FOSL2: variants seen among roughly 807,000 people sequenced by gnomAD.
FOSL2 encodes the protein fos-related antigen 2.
FOSL2 carries 3 observed loss-of-function variants against 27.7 expected under a neutral mutation model. The observed-to-expected ratio is 0.11, with a 90% CI of 0.05 to 0.28. FOSL2 has a LOEUF of 0.28. FOSL2 is among the 10% of genes least tolerant of loss of function. The pLI, the probability that FOSL2 is intolerant of heterozygous loss-of-function variation, is 1.00. For missense variants in FOSL2, 333 were observed against 445.1 expected (o/e 0.75, Z 2.27); for synonymous variants, 179 against 190.1 (o/e 0.94, Z 0.48).
Position 28,402,038 on chromosome 2 carries a change from G to A in FOSL2, c.103-2069G>A, listed in dbSNP as rs572153604. ...TTGAATCTCAGAATGCATTGTACTG[G>A]GTAACTTTCCTCCAGAATCCCAGAA... is the stretch of plus-strand genomic sequence containing the variant. On this transcript the variant is annotated intron_variant, in intron 1 of 3. Transcript: ENST00000264716. 2.6e-5 allele frequency among the ~76,000 whole-genome samples: 4 copies of A among 152,142 alleles called. 1 individual carries two copies. The highest frequency in any genetic ancestry group is 9.6e-5 in the African/African-American group (4 of 41,500).
intron 1 of FOSL2, chr2:28,397,237 A>G (rs996675044): frequency 5.9e-5 from 9 of 152,222 alleles, no homozygotes; most frequent in African/African-American, 2.2e-4. Flanking sequence ...TAAAAAAAGG[A>G]GTGCTTTTTT....
At chr2:28,399,836 C>T (rs76510751) in intron 1 of FOSL2, among the ~76,000 whole-genome samples, 1 of 152,080 alleles carries the variant, frequency 6.6e-6, no homozygotes, top group East Asian at 1.9e-4. Context: ...TGGCACAGTC[C>T]TGCCTATTTG....
Position 28,417,289 on chromosome 2 carries a change from A to G in FOSL2, c.*4841A>G, listed in dbSNP as rs1052152706. ...CACTTTCAGTTGAGTAGCATTTTGT[A>G]GAATAAAATGAATTAAGATTGAAGA... On this transcript the variant is annotated 3_prime_UTR_variant, in exon 4 of 4. Transcript: ENST00000264716. The G allele has an allele frequency of 6.6e-6, 1 of 152,076 alleles. No homozygotes were observed. Among genetic ancestry groups the G allele is most frequent in the African/African-American group, 2.4e-5 (1 of 41,388 alleles). 9.4% of individuals were successfully genotyped at this position (152,076 alleles called of 1,614,324 possible).
rs1664151342 is a variant in FOSL2 at position 28,409,636 on chromosome 2, C to T, written c.462+770C>T. Among the ~76,000 whole-genome samples the T allele has an allele frequency of 2.6e-5, 4 of 152,336 alleles. No individual in the cohort carries two copies. In the South Asian group the frequency reaches 8.3e-4, roughly 32 times the overall value. On this transcript the variant is annotated intron_variant, in intron 3 of 3. Transcript: ENST00000264716. ...GCCCCGAGCCAGGGTTGACTCTCCC[C>T]AGTGGAATGCTTTCAGAGTGAGGAG...
intron 1 of FOSL2, among the ~76,000 whole-genome samples, chr2:28,399,517 G>A (rs564357131): frequency 3.9e-5 from 6 of 152,232 alleles, no homozygotes; most frequent in Admixed American, 6.5e-5. Context: ...AGGAGCACAC[G>A]CATCCTTCCC....
chr2:28,404,262 G>T lies in FOSL2; in HGVS notation c.258G>T (p.Pro86=), dbSNP rs76837928. ...YPRSHPYSPL[P]GLASVPGHMA... is the part of the protein sequence containing the mutation. The stretch of plus-strand genomic sequence containing the variant: ...GCTCGCACCCCTACAGCCCCCTGCC[G>T]GGCCTGGCCTCTGTCCCTGGACACA... The change falls in exon 2 of 4, where the codon CCG becomes CCT. Residue 86 remains proline (P), a synonymous_variant. Coordinates refer to ENST00000264716, the MANE Select transcript of FOSL2 (RefSeq NM_005253.4). This position sits in a 1 kb window ranked among gnomAD's most constrained non-coding sequence, Gnocchi z 4.7. 6.2e-7 allele frequency: 1 copy of T among 1,614,036 alleles called. No individual in the cohort carries two copies. The highest frequency in any genetic ancestry group is 1.1e-5 in the South Asian group (1 of 91,090).
At chr2:28,407,008 CT>C (rs1384670257) in intron 2 of FOSL2, among the ~76,000 whole-genome samples, 1 of 152,220 alleles carries the variant, frequency 6.6e-6, no homozygotes, top group Non-Finnish European at 1.5e-5. Context: ...CTCACCGCCC[CT>C]GAACACTTCC....
intron 1 of FOSL2, among the ~76,000 whole-genome samples, chr2:28,402,086 C>T (rs9973435): frequency 6.6e-6 from 1 of 152,078 alleles, no homozygotes; most frequent in African/African-American, 2.4e-5. Flanking sequence ...TGCAGCTCTC[C>T]TCCCGAATCC....
chr2:28,411,725 C>A (rs1319794784), intron 3 of FOSL2, among the ~76,000 whole-genome samples: 1 of 152,186 alleles, frequency 6.6e-6, no homozygotes, highest in Non-Finnish European at 1.5e-5. Flanking sequence ...TGTCTTACCC[C>A]CTCTCCAAGC....
chr2:28,411,299 T>A (rs1455801175), intron 3 of FOSL2, among the ~76,000 whole-genome samples: 1 of 152,190 alleles, frequency 6.6e-6, no homozygotes, highest in Non-Finnish European at 1.5e-5. Context: ...GTCTCCACTC[T>A]CTAGCAGCCT....
At position 28,416,285 on chromosome 2, in the gene FOSL2, G is replaced by A. The variant is rs916610160; in HGVS notation, c.*3837G>A. 2.6e-5 allele frequency: 4 copies of A among 152,044 alleles called. No individual in the cohort carries two copies. The highest frequency in any genetic ancestry group is 1.9e-4 in the East Asian group (1 of 5,188). 9.4% of individuals were successfully genotyped at this position (152,044 alleles called of 1,614,324 possible). On this transcript the variant is annotated 3_prime_UTR_variant, in exon 4 of 4. Coordinates refer to ENST00000264716, the MANE Select transcript of FOSL2 (RefSeq NM_005253.4). Reference sequence around the variant, plus strand: ...GGGTTTAATTTATCCAATGCTTGACGACATGTTCAGGAGGGGCTGGATCAA... The same window carrying A: ...GGGTTTAATTTATCCAATGCTTGACAACATGTTCAGGAGGGGCTGGATCAA...
chr2:28,398,988 C>G (rs2148080048), intron 1 of FOSL2, among the ~76,000 whole-genome samples: 1 of 152,286 alleles, frequency 6.6e-6, no homozygotes, highest in East Asian at 1.9e-4. Flanking sequence ...TTATCCTTTT[C>G]TCTTCTTGGG....
rs746617142 is a variant in FOSL2, at chr2:28,393,802, A to AGCG, written c.94_96dup (p.Gly32dup). The AGCG allele has an allele frequency of 1.2e-5, 19 of 1,600,920 alleles. No homozygotes were observed. The highest frequency in any genetic ancestry group is 1.4e-5 in the Non-Finnish European group (17 of 1,174,584). On this transcript the variant is annotated inframe_insertion, in exon 1 of 4. Transcript: ENST00000264716. This position sits in a 1 kb window ranked among gnomAD's most constrained non-coding sequence, Gnocchi z 4.6. ...TCCTGCGCACGCCGAGTCCTACTCCAGCGGCGGCGGCGGCCAGCAGGTAGG... is the reference window on the plus strand; with the variant it reads ...TCCTGCGCACGCCGAGTCCTACTCCAGCGGCGGCGGCGGCGGCCAGCAGGTAGG...
intron 1 of FOSL2, chr2:28,394,783 T>A (rs760537784): frequency 6.6e-6 from 1 of 152,260 alleles, no homozygotes; most frequent in Non-Finnish European, 1.5e-5. Flanking sequence ...ACCCGCTCTG[T>A]CTCGAGAGAG....
intron 2 of FOSL2, among the ~76,000 whole-genome samples, chr2:28,405,825 T>G (rs968985122): frequency 6.6e-6 from 1 of 152,166 alleles, no homozygotes; most frequent in Non-Finnish European, 1.5e-5. Flanking sequence ...CACAGTTGCT[T>G]TCTATAATTG....
intron 1 of FOSL2, among the ~76,000 whole-genome samples, chr2:28,398,386 T>C (rs1227934795): frequency 6.6e-6 from 1 of 152,248 alleles, no homozygotes; most frequent in African/African-American, 2.4e-5. Flanking sequence ...CAGTGAGACT[T>C]TCCTAGGCTC....
At chr2:28,400,043 G>C (rs573075283) in intron 1 of FOSL2, among the ~76,000 whole-genome samples, 1 of 152,256 alleles carries the variant, frequency 6.6e-6, no homozygotes, top group African/African-American at 2.4e-5. Context: ...AGTTGACAGG[G>C]TGACACAGTG....
chr2:28,393,758 C>T lies in FOSL2; in HGVS notation c.38C>T (p.Ser13Phe). ...TATCCCGGGAACTTTGACACCTCGT[C>T]CCGGGGCAGCAGCGGCTCTCCTGCG... is the stretch of plus-strand genomic sequence containing the variant. ...QDYPGNFDTSSRGSSGSPAHA... is the reference protein window; with the variant it reads ...QDYPGNFDTSFRGSSGSPAHA... Residue 13 changes from serine to phenylalanine, a missense_variant, in exon 1 of 4, where the codon TCC becomes TTC. Ser to Phe is a radical substitution (Grantham distance 155). Transcript: ENST00000264716. This position sits in a 1 kb window ranked among gnomAD's most constrained non-coding sequence, Gnocchi z 4.6. 3.7e-6 allele frequency: 6 copies of T among 1,610,302 alleles called. No homozygotes were observed. Among genetic ancestry groups the T allele is most frequent in the Non-Finnish European group, 5.1e-6 (6 of 1,178,652 alleles).
rs1179877809 is a variant in FOSL2, at chr2:28,416,722, A to G, written c.*4274A>G. ...GTTTGTGTTTACTTGATTTTGAGGA[A>G]GAAAATATTTGACTTTGTGTAAAGA... On this transcript the variant is annotated 3_prime_UTR_variant, in exon 4 of 4. Coordinates refer to ENST00000264716, the MANE Select transcript of FOSL2 (RefSeq NM_005253.4). 1 of 152,036 alleles carries G rather than the reference A, an allele frequency of 6.6e-6. No individual in the cohort carries two copies. The highest frequency in any genetic ancestry group is 1.5e-5 in the Non-Finnish European group (1 of 68,008). The allele number at this position is 152,036 out of a possible 1,614,324, so 9.4% of individuals were successfully genotyped here.
Sources: gnomAD v4.1 joint callset for allele counts (sites outside exome capture counted in the v4.1 genomes callset) on GRCh38, gnomAD v4.1.1 for gene constraint, Gnocchi (gnomAD v3.1) non-coding constraint, MANE v1.5 for transcripts, NCBI Gene and HGNC (gene_info 2026-07-23, HGNC 2026-07-21) for gene names.